The following IL1RAPL1 variants were observed in gnomAD, a reference collection of about 807,000 sequenced individuals.
IL1RAPL1 encodes interleukin 1 receptor accessory protein like 1.
In IL1RAPL1, 3 loss-of-function variants were observed where a neutral mutation model predicts 48.4. The observed-to-expected ratio is 0.06, with a 90% CI of 0.03 to 0.16. The LOEUF (loss-of-function observed/expected upper bound fraction) is 0.16, where lower values mean the gene tolerates loss of function less well. Among genes scored for constraint, IL1RAPL1 ranks in the 10% least tolerant of loss-of-function variants. The pLI, the probability that IL1RAPL1 is intolerant of heterozygous loss-of-function variation, is 1.00. For synonymous variants in IL1RAPL1, 185 were observed against 187.7 expected, an observed-to-expected ratio of 0.99 and a Z score of 0.12; for missense variants, 349 against 530.6, an observed-to-expected ratio of 0.66 and a Z score of 3.36.
In IL1RAPL1 at chrX:28,836,369, A is replaced by ATATATATATATATATATAT. The variant is rs1569183037; in HGVS notation, c.82+46944_82+46945insTATATATATATATATATAT. Among the ~76,000 whole-genome samples, 12 of 73,188 alleles carry ATATATATATATATATATAT rather than the reference A, an allele frequency of 1.6e-4. No individual in the cohort carries two copies. The African/African-American group carries it at 1.9e-3, about 12-fold the overall frequency. 63.6% of individuals were successfully genotyped at this position (73,188 alleles called of 115,157 possible). A position where few individuals can be genotyped will look rare whatever the true frequency, so the allele number is the denominator to read the frequency against. ...ATATATATATATATATATATGACAG[A>ATATATATATATATATATAT]GAGAGAGAGAGAGAGAGACAGACAG... On this transcript the variant is annotated intron_variant, in intron 2 of 10. Coordinates refer to ENST00000378993, the MANE Select transcript of IL1RAPL1 (RefSeq NM_014271.4).
intron 2 of IL1RAPL1, among the ~76,000 whole-genome samples, chrX:28,973,383 A>G (rs986361719): frequency 8.9e-6 from 1 of 112,364 alleles, no homozygotes; most frequent in African/African-American, 3.2e-5. Flanking sequence ...AAGTATCTTC[A>G]TGTTAATTAA....
At chrX:28,829,554 T>C (rs1433798107) in intron 2 of IL1RAPL1, among the ~76,000 whole-genome samples, 3 of 85,053 alleles carry the variant, frequency 3.5e-5, no homozygotes, top group African/African-American at 5.3e-5. Context: ...GAAAGGGTGC[T>C]GGAATTTTTT....
At chrX:29,215,356 A>G (rs1930847853) in intron 2 of IL1RAPL1, among the ~76,000 whole-genome samples, 1 of 111,140 alleles carries the variant, frequency 9.0e-6, no homozygotes, top group African/African-American at 3.3e-5. Context: ...AAAAAAAAAA[A>G]AGATTGTTTA....
chrX:29,219,159 A>G (rs1930929119), intron 2 of IL1RAPL1, among the ~76,000 whole-genome samples: 1 of 112,285 alleles, frequency 8.9e-6, no homozygotes, highest in Non-Finnish European at 1.9e-5. Flanking sequence ...ATACCCTTTG[A>G]TTAATCGATA....
intron 1 of IL1RAPL1, among the ~76,000 whole-genome samples, chrX:28,752,119 T>G (rs2147246549): frequency 8.9e-6 from 1 of 112,353 alleles, no homozygotes; most frequent in Admixed American, 9.5e-5. Context: ...TAACTTTTAT[T>G]TTTAAAAAAT....
chrX:28,710,366 G>T (rs1239620814), intron 1 of IL1RAPL1, among the ~76,000 whole-genome samples: 1 of 108,343 alleles, frequency 9.2e-6, no homozygotes, highest in African/African-American at 3.4e-5. Context: ...CTGATTGGGG[G>T]TGGGGTGGGA....
At chrX:29,412,657 G>T (rs976327378) in intron 5 of IL1RAPL1, among the ~76,000 whole-genome samples, 7 of 112,022 alleles carry the variant, frequency 6.2e-5, no homozygotes, top group African/African-American at 2.3e-4. Context: ...CTGTTGCACA[G>T]AGCTACTCTT....
chrX:28,975,312 C>G (rs923607440), intron 2 of IL1RAPL1, among the ~76,000 whole-genome samples: 2 of 111,844 alleles, frequency 1.8e-5, no homozygotes, highest in African/African-American at 6.5e-5. Flanking sequence ...ATAGCAAATG[C>G]TTGCCCCCTC....
intron 2 of IL1RAPL1, among the ~76,000 whole-genome samples, chrX:28,800,340 A>C (rs192237835): frequency 8.9e-6 from 1 of 112,466 alleles, no homozygotes; most frequent in Non-Finnish European, 1.9e-5. Context: ...TCATATGCAC[A>C]GGTCTTGGCG....
intron 5 of IL1RAPL1, among the ~76,000 whole-genome samples, chrX:29,653,622 T>C (rs1254853103): frequency 9.0e-6 from 1 of 111,656 alleles, no homozygotes; most frequent in Non-Finnish European, 1.9e-5. Flanking sequence ...GTAGTAATCA[T>C]GTTTTTAATG....
At chrX:28,825,451 G>C (rs1936983472) in intron 2 of IL1RAPL1, among the ~76,000 whole-genome samples, 1 of 111,163 alleles carries the variant, frequency 9.0e-6, no homozygotes, top group African/African-American at 3.3e-5. Context: ...TGCCCCTAAT[G>C]CTTGAATATC....
At chrX:29,821,379 G>T (rs1157703477) in intron 6 of IL1RAPL1, among the ~76,000 whole-genome samples, 1 of 110,851 alleles carries the variant, frequency 9.0e-6, no homozygotes, top group Non-Finnish European at 1.9e-5. Context: ...GACCCCAGGA[G>T]GTGGAGCTTG....
At chrX:29,502,848 AT>A (rs1481903146) in intron 5 of IL1RAPL1, among the ~76,000 whole-genome samples, 1 of 111,202 alleles carries the variant, frequency 9.0e-6, no homozygotes, top group Admixed American at 9.5e-5. Context: ...CTTTTTGTCA[AT>A]TTTTTTGAAG....
intron 5 of IL1RAPL1, among the ~76,000 whole-genome samples, chrX:29,490,852 G>GTATATATATATATACGTA (rs753856512): frequency 7.5e-5 from 7 of 93,667 alleles, no homozygotes; most frequent in African/African-American, 3.5e-4. Flanking sequence ...GTGTGTGTGT[G>GTATATATATATATACGTA]TATATATATA....
intron 3 of IL1RAPL1, among the ~76,000 whole-genome samples, chrX:29,324,681 A>G (rs766336266): frequency 5.4e-5 from 6 of 111,738 alleles, no homozygotes; most frequent in South Asian, 3.8e-4. Context: ...TCTGATTTCT[A>G]TGACCAGTTT....
chrX:29,107,941 A>G (rs1410890636), intron 2 of IL1RAPL1, among the ~76,000 whole-genome samples: 1 of 111,764 alleles, frequency 8.9e-6, no homozygotes, highest in Non-Finnish European at 1.9e-5. Flanking sequence ...AGTCTGGGGT[A>G]GGTGTTGCTG....
At chrX:29,570,191 T>G (rs1314421279) in intron 5 of IL1RAPL1, among the ~76,000 whole-genome samples, 1 of 112,109 alleles carries the variant, frequency 8.9e-6, no homozygotes, top group Non-Finnish European at 1.9e-5. Context: ...CCTAGAAATA[T>G]CATGGGAAAA....
chrX:29,739,279 G>C (rs980730550), intron 6 of IL1RAPL1, among the ~76,000 whole-genome samples: 38 of 112,645 alleles, frequency 3.4e-4, no homozygotes, highest in African/African-American at 1.2e-3. Context: ...ATGAATAACA[G>C]ATTATACATT....
intron 3 of IL1RAPL1, among the ~76,000 whole-genome samples, chrX:29,338,620 C>T (rs1933029501): frequency 9.0e-6 from 1 of 111,388 alleles, no homozygotes; most frequent in Non-Finnish European, 1.9e-5. Context: ...CTGTCATTGT[C>T]CTCAGATAAA....
Sources: gnomAD v4.1 joint callset for allele counts (sites outside exome capture counted in the v4.1 genomes callset) on GRCh38, gnomAD v4.1.1 for gene constraint, MANE v1.5 for transcripts, NCBI Gene and HGNC (gene_info 2026-07-23, HGNC 2026-07-21) for gene names.